SPATA17: variants seen among roughly 807,000 people sequenced by gnomAD.
SPATA17 encodes the protein spermatogenesis-associated protein 17.
In SPATA17, 53 loss-of-function variants were observed where a neutral mutation model predicts 62.2. That is an observed-to-expected ratio of 0.85 (90% CI 0.68 to 1.07). The LOEUF (loss-of-function observed/expected upper bound fraction) is 1.07. Among genes scored for constraint, SPATA17 ranks in the 50% least tolerant of loss-of-function variants. The pLI, the probability that SPATA17 is intolerant of heterozygous loss-of-function variation, is 0.00. For synonymous variants in SPATA17, 146 were observed against 146.8 expected (o/e 0.99, Z 0.04); for missense variants, 466 against 425.5 (o/e 1.10, Z -0.84).
chr1:217,862,870 C>A lies in SPATA17; in HGVS notation c.*2+14C>A. The A allele has an allele frequency of 6.5e-7, 1 of 1,527,888 alleles. No homozygotes were observed. The highest frequency in any genetic ancestry group is 1.2e-5 in the South Asian group (1 of 81,478). The allele number at this position is 1,527,888 out of a possible 1,614,324, so 94.6% of individuals were successfully genotyped here. ...GATTGTATAAAGGTATGACTTTTTGCTAAGAAGTAATTCAAAAAGTATATT... is the reference window on the plus strand; with the variant it reads ...GATTGTATAAAGGTATGACTTTTTGATAAGAAGTAATTCAAAAAGTATATT... On this transcript the variant is annotated intron_variant, in intron 10 of 10. Coordinates refer to ENST00000366933, the MANE Select transcript of SPATA17 (RefSeq NM_138796.4).
chr1:217,704,351 C>T lies in SPATA17; in HGVS notation c.395+20990C>T, dbSNP rs577662787. Among the ~76,000 whole-genome samples the T allele has an allele frequency of 3.2e-4, 47 of 145,716 alleles. No homozygotes were observed. The South Asian group carries it at 7.1e-3, about 22-fold the overall frequency. On this transcript the variant is annotated intron_variant, in intron 5 of 10. Coordinates refer to ENST00000366933, the MANE Select transcript of SPATA17 (RefSeq NM_138796.4). ...CTGCAAGCTCCGCTTCCCGGGTTCA[C>T]GCCATTCTCCTGCCTCAGCCTCCCC...
At chr1:217,784,621 T>G (rs1004338807) in intron 8 of SPATA17, among the ~76,000 whole-genome samples, 4 of 152,156 alleles carry the variant, frequency 2.6e-5, no homozygotes, top group African/African-American at 9.7e-5. Flanking sequence ...TGAGGATTGA[T>G]AGAGAAAATG....
At chr1:217,811,264 C>T (rs1278898672) in intron 9 of SPATA17, among the ~76,000 whole-genome samples, 1 of 152,048 alleles carries the variant, frequency 6.6e-6, no homozygotes, top group Non-Finnish European at 1.5e-5. Flanking sequence ...GAACTCCTGG[C>T]TCGAACTCAA....
rs142521185 is a variant in SPATA17, at chr1:217,666,612, C to T, written c.241-2421C>T. Among the ~76,000 whole-genome samples, 11 of 151,728 alleles carry T rather than the reference C, an allele frequency of 7.2e-5. No individual in the cohort carries two copies. The East Asian group carries it at 2.1e-3, about 29-fold the overall frequency. On this transcript the variant is annotated intron_variant, in intron 3 of 10. Coordinates refer to ENST00000366933, the MANE Select transcript of SPATA17 (RefSeq NM_138796.4). ...TTCAATCATTTTTAACTGTATTATT[C>T]AGTAGCATTAAGTATATTCACATTG...
rs556176945 is a variant in SPATA17 at position 217,850,805 on chromosome 1, A to G, written c.1006-11969A>G. Among the ~76,000 whole-genome samples, 9 of 152,278 alleles carry G rather than the reference A, an allele frequency of 5.9e-5. No homozygotes were observed. In the East Asian group the frequency reaches 1.5e-3, roughly 26 times the overall value. On this transcript the variant is annotated intron_variant, in intron 9 of 10. Transcript: ENST00000366933. Reference sequence around the variant, plus strand: ...AATGTGGTAGATGTAGGATATAAACACAAAAGCCTGAATTCTTCCCCCAGG... The same window carrying G: ...AATGTGGTAGATGTAGGATATAAACGCAAAAGCCTGAATTCTTCCCCCAGG...
chr1:217,689,798 T>C (rs563869595), intron 5 of SPATA17, among the ~76,000 whole-genome samples: 21 of 152,138 alleles, frequency 1.4e-4, no homozygotes, highest in Non-Finnish European at 2.8e-4. Context: ...CTTTTTGCAT[T>C]TATCATCTGC....
intron 1 of SPATA17, among the ~76,000 whole-genome samples, chr1:217,647,272 T>A (rs554436644): frequency 1.1e-4 from 17 of 152,354 alleles, no homozygotes; most frequent in South Asian, 6.2e-4. Flanking sequence ...TCATGGGCTC[T>A]CAGCAACTAT....
At chr1:217,813,982 T>A (rs1431511592) in intron 9 of SPATA17, among the ~76,000 whole-genome samples, 1 of 152,036 alleles carries the variant, frequency 6.6e-6, no homozygotes, top group African/African-American at 2.4e-5. Flanking sequence ...CTTTTTAATC[T>A]GGTTTGTTTC....
At chr1:217,724,897 T>G (rs17674751) in intron 5 of SPATA17, among the ~76,000 whole-genome samples, 59,919 of 152,010 alleles carry the variant, frequency 0.39, 12,341 homozygotes, top group Non-Finnish European at 0.46. Context: ...AACAAATCCT[T>G]TATCATCTGT....
intron 6 of SPATA17, among the ~76,000 whole-genome samples, chr1:217,771,380 A>G (rs565171384): frequency 8.5e-5 from 13 of 152,218 alleles, no homozygotes; most frequent in African/African-American, 3.1e-4. Flanking sequence ...GTCCCTGAGG[A>G]TTAACCCTGT....
chr1:217,765,676 G>T (rs1372025341), intron 6 of SPATA17, among the ~76,000 whole-genome samples: 2 of 151,894 alleles, frequency 1.3e-5, no homozygotes, highest in African/African-American at 4.8e-5. Context: ...TTATGGCCCA[G>T]GATGAGTGTT....
chr1:217,667,299 G>A (rs1009634887), intron 3 of SPATA17, among the ~76,000 whole-genome samples: 4 of 151,728 alleles, frequency 2.6e-5, no homozygotes, highest in Admixed American at 6.6e-5. Context: ...CGCCTGCCTC[G>A]GCCTCCCAAA....
intron 9 of SPATA17, among the ~76,000 whole-genome samples, chr1:217,853,571 G>C (rs1675711053): frequency 6.6e-6 from 1 of 152,100 alleles, no homozygotes; most frequent in South Asian, 2.1e-4. Context: ...CTGTCTTATA[G>C]CAATCAATTC....
intron 7 of SPATA17, among the ~76,000 whole-genome samples, chr1:217,780,952 G>GA (rs999766733): frequency 4.7e-4 from 69 of 146,042 alleles, no homozygotes; most frequent in Admixed American, 1.1e-3. Flanking sequence ...ATAAGAATAA[G>GA]AAAAAAAAAA....
rs560591615 is a variant in SPATA17, at chr1:217,704,230, C to CTTTTTTTTTTTTTT, written c.395+20887_395+20900dup. Among the ~76,000 whole-genome samples, 8 of 41,718 alleles carry CTTTTTTTTTTTTTT rather than the reference C, an allele frequency of 1.9e-4. 2 individuals carry two copies. The highest frequency in any genetic ancestry group is 3.2e-4 in the Non-Finnish European group (7 of 21,570). The allele number at this position is 41,718 out of a possible 152,430, so 27.4% of individuals were successfully genotyped here. A position where few individuals can be genotyped will look rare whatever the true frequency, so the allele number is the denominator to read the frequency against. ...TCCTAACTCTCCTCCTTCCCTCTACCTTTTTTTTTTTTTTTTTTTTTTTTT... is the reference window on the plus strand; with the variant it reads ...TCCTAACTCTCCTCCTTCCCTCTACCTTTTTTTTTTTTTTTTTTTTTTTTTTTTTTTTTTTTTTT... On this transcript the variant is annotated intron_variant, in intron 5 of 10. Transcript: ENST00000366933.
intron 5 of SPATA17, among the ~76,000 whole-genome samples, chr1:217,734,833 G>T (rs1420880233): frequency 6.6e-6 from 1 of 152,042 alleles, no homozygotes; most frequent in Non-Finnish European, 1.5e-5. Context: ...ACCACCTCAG[G>T]GTTCCACCTC....
intron 6 of SPATA17, among the ~76,000 whole-genome samples, chr1:217,772,255 G>T (rs1673466986): frequency 6.6e-6 from 1 of 151,936 alleles, no homozygotes; most frequent in African/African-American, 2.4e-5. Context: ...TATATTTACT[G>T]TTATAGTGAG....
intron 9 of SPATA17, among the ~76,000 whole-genome samples, chr1:217,860,122 T>G: frequency 6.6e-6 from 1 of 152,200 alleles, no homozygotes; most frequent in East Asian, 1.9e-4. Context: ...TAGTTAAAAA[T>G]ATTTTTTATT....
At chr1:217,780,003 A>C (rs1303131731) in intron 7 of SPATA17, among the ~76,000 whole-genome samples, 1 of 152,176 alleles carries the variant, frequency 6.6e-6, no homozygotes, top group Non-Finnish European at 1.5e-5. Context: ...AAATACCTGT[A>C]GTGTCAAGTT....
Sources: allele counts gnomAD v4.1 joint callset (sites outside exome capture counted in the v4.1 genomes callset), GRCh38; gene constraint gnomAD v4.1.1; transcripts MANE v1.5; gene names NCBI Gene and HGNC (gene_info 2026-07-23, HGNC 2026-07-21).